Variants in ABCC2 observed in about 807,000 individuals in gnomAD.
The protein encoded by ABCC2 is ATP-binding cassette sub-family C member 2.
ABCC2 carries 157 observed loss-of-function variants against 173.4 expected under a neutral mutation model. The observed-to-expected ratio is 0.91, with a 90% CI of 0.80 to 1.03. The LOEUF is 1.03. Among genes scored for constraint, ABCC2 ranks in the 50% least tolerant of loss-of-function variants. ABCC2 has a pLI of 0.00. For missense variants in ABCC2, 1,822 were observed against 1,852.3 expected, an observed-to-expected ratio of 0.98 and a Z score of 0.30; for synonymous variants, 657 against 693.5, an observed-to-expected ratio of 0.95 and a Z score of 0.83.
chr10:99,850,546 C>T, intron 30 of ABCC2, 56 bp from the exon 31 acceptor site: 1 of 1,571,130 alleles, frequency 6.4e-7, no homozygotes, highest in Non-Finnish European at 8.7e-7. Context: ...TCCCCCTGCC[C>T]TGCGTCTTTC....
At chr10:99,811,728 G>A (rs1211959383) in intron 15 of ABCC2, 126 bp downstream of exon 15, 2 of 1,111,388 alleles carry the variant, frequency 1.8e-6, no homozygotes, top group East Asian at 4.9e-5. Flanking sequence ...TTAGATACTA[G>A]TGCAGGATAA....
intron 16 of ABCC2, 55 bp from the exon 17 acceptor site, chr10:99,817,253 A>C: frequency 6.3e-7 from 1 of 1,583,130 alleles, no homozygotes; most frequent in South Asian, 1.1e-5. Flanking sequence ...CCCGTCCTTC[A>C]ACCCTGCGTT....
intron 16 of ABCC2, among the ~76,000 whole-genome samples, chr10:99,816,315 ACT>A (rs2038409824): frequency 6.8e-6 from 1 of 147,338 alleles, no homozygotes; most frequent in Non-Finnish European, 1.5e-5. Flanking sequence ...ATGGAGCCTC[ACT>A]CTGTCTCCCA....
rs2038183215 is a variant in ABCC2, at chr10:99,810,124, CCTT to C, written c.1816-7_1816-5del. ...CTTTAATTCTTGAGATCCTTTGTGT[CCTT>C]CTCTAGGCCAGTGTTTCCACAGAGC... On this transcript the variant is annotated splice_region_variant and splice_polypyrimidine_tract_variant and intron_variant, in intron 13 of 31. Coordinates refer to ENST00000647814, the MANE Select transcript of ABCC2 (RefSeq NM_000392.5). 1 of 1,612,248 alleles carries C rather than the reference CCTT, an allele frequency of 6.2e-7. No homozygotes were observed. Among genetic ancestry groups the C allele is most frequent in the East Asian group, 2.2e-5 (1 of 44,864 alleles).
intron 25 of ABCC2, among the ~76,000 whole-genome samples, chr10:99,836,931 G>A (rs1039132885): frequency 9.2e-5 from 14 of 152,122 alleles, no homozygotes; most frequent in Non-Finnish European, 1.9e-4. Flanking sequence ...GTCTTGAGGC[G>A]CTAAAGATGC....
At chr10:99,830,901 C>A in intron 21 of ABCC2, 50 bp downstream of exon 21, 2 of 1,610,746 alleles carry the variant, frequency 1.2e-6, no homozygotes, top group Non-Finnish European at 1.7e-6. Context: ...AGGTTTAGAA[C>A]CCAAAATTTT....
At chr10:99,784,502 A>T (rs1665091154) in intron 1 of ABCC2, 106 bp from the exon 2 acceptor site, 1 of 1,177,376 alleles carries the variant, frequency 8.5e-7, no homozygotes, top group African/African-American at 1.5e-5. Context: ...CTGGATATGG[A>T]TATGGAGTTG....
rs185466316 is a variant in ABCC2, at chr10:99,787,196, A to G, written c.207+2415A>G. Among the ~76,000 whole-genome samples, 393 of 151,366 alleles carry G rather than the reference A, an allele frequency of 2.6e-3. 3 individuals are homozygous for G. Among genetic ancestry groups the G allele is most frequent in the Non-Finnish European group, 3.9e-3 (263 of 67,926 alleles). ...GCAATTCAGTTTTTTTCAGTATATTAACACATATGTGCAACCATCACCACA... is the reference window on the plus strand; with the variant it reads ...GCAATTCAGTTTTTTTCAGTATATTGACACATATGTGCAACCATCACCACA... On this transcript the variant is annotated intron_variant, in intron 2 of 31. Transcript: ENST00000647814.
Position 99,851,647 on chromosome 10 carries a change from G to A in ABCC2, c.*16G>A, listed in dbSNP as rs750850714. 3 of 1,611,194 alleles carry A rather than the reference G, an allele frequency of 1.9e-6. No individual in the cohort carries two copies. The highest frequency in any genetic ancestry group is 2.7e-5 in the African/African-American group (2 of 74,830). The stretch of plus-strand genomic sequence containing the variant: ...AAAATTCTAGCAGAAGGCCCCATGG[G>A]TTAGAAAAGGACTATAAGAATAATT... On this transcript the variant is annotated 3_prime_UTR_variant, in exon 32 of 32. Transcript: ENST00000647814.
At position 99,818,418 on chromosome 10, in the gene ABCC2, G is replaced by A. The variant is rs527601322; in HGVS notation, c.2272-372G>A. 2.6e-5 allele frequency among the ~76,000 whole-genome samples: 4 copies of A among 152,274 alleles called. No homozygotes were observed. In the East Asian group the frequency reaches 7.7e-4, roughly 29 times the overall value. On this transcript the variant is annotated intron_variant, in intron 17 of 31. Transcript: ENST00000647814. ...GAAGATTAATGAAGATACAGCTCTG[G>A]AGTAATTTTGTTCATTAATTAGCAT...
Position 99,836,296 on chromosome 10 carries a change from G to GCTT in ABCC2, c.3614+8_3614+10dup. The GCTT allele has an allele frequency of 6.2e-7, 1 of 1,613,908 alleles. No homozygotes were observed. Among genetic ancestry groups the GCTT allele is most frequent in the Non-Finnish European group, 8.5e-7 (1 of 1,179,794 alleles). ...TCCTGGATCACCTCCAACAGGTGAG[G>GCTT]CTTCCCCTGGGTATTTACCCATGTG... On this transcript the variant is annotated splice_region_variant and intron_variant, in intron 25 of 31. Transcript: ENST00000647814.
intron 2 of ABCC2, among the ~76,000 whole-genome samples, chr10:99,785,931 C>T (rs901835524): frequency 6.6e-6 from 1 of 151,986 alleles, no homozygotes; most frequent in Non-Finnish European, 1.5e-5. Context: ...GAGGAAAGAG[C>T]TTGGCCAAAG....
At chr10:99,804,718 G>A (rs1354918022) in intron 10 of ABCC2, among the ~76,000 whole-genome samples, 1 of 152,194 alleles carries the variant, frequency 6.6e-6, no homozygotes, top group African/African-American at 2.4e-5. Context: ...AGTGTCCTCA[G>A]TCCTGCCAGA....
intron 20 of ABCC2, 54 bp downstream of exon 20, chr10:99,830,487 C>T: frequency 2.5e-6 from 4 of 1,612,742 alleles, no homozygotes; most frequent in Non-Finnish European, 3.4e-6. Context: ...TCCACTTGAT[C>T]TTTTTCTTTT....
intron 11 of ABCC2, among the ~76,000 whole-genome samples, chr10:99,806,382 C>T (rs1480453113): frequency 6.6e-6 from 1 of 152,116 alleles, no homozygotes; most frequent in African/African-American, 2.4e-5. Context: ...ATTAGAATCA[C>T]CTGAGAAATT....
At chr10:99,784,814 T>C in intron 2 of ABCC2, 33 bp downstream of exon 2, 1 of 1,608,858 alleles carries the variant, frequency 6.2e-7, no homozygotes, top group Admixed American at 1.7e-5. Context: ...TGAACTCTAA[T>C]TCCTTGGTGC....
At chr10:99,817,560 A>T (rs941179806) in intron 17 of ABCC2, 76 bp downstream of exon 17, 4 of 1,479,068 alleles carry the variant, frequency 2.7e-6, no homozygotes, top group Non-Finnish European at 2.8e-6. Context: ...GTGAAGAACT[A>T]CACAGGGGTA....
In ABCC2 at chr10:99,798,521, G is replaced by T. The variant is rs12257158; in HGVS notation, c.868-686G>T. Among the ~76,000 whole-genome samples, 527 of 152,286 alleles carry T rather than the reference G, an allele frequency of 3.5e-3. 3 individuals are homozygous for T. Among genetic ancestry groups the T allele is most frequent in the African/African-American group, 0.012 (494 of 41,550 alleles). On this transcript the variant is annotated intron_variant, in intron 7 of 31. Transcript: ENST00000647814. ...CCAGAAGGCTGAAGTCAAGATATCA[G>T]ACTCGCTCCCGCTGAAACCTGGAGG...
At position 99,800,461 on chromosome 10, in the gene ABCC2, T is replaced by A; in HGVS notation, c.1107T>A (p.Thr369=). 6.2e-7 allele frequency: 1 copy of A among 1,614,208 alleles called. No homozygotes were observed. Among genetic ancestry groups the A allele is most frequent in the Non-Finnish European group, 8.5e-7 (1 of 1,180,030 alleles). The change falls in exon 9 of 32, where the codon ACT becomes ACA. Residue 369 remains threonine, a synonymous_variant. Transcript: ENST00000647814. ...ATCTCTGTGCAATCCTCTTATTCAC[T>A]GCGGCTCTCATTCAGTCTTTCTGCC... The part of the protein sequence containing the change: ...IGYLCAILLF[T]AALIQSFCLQ...
Sources: allele counts gnomAD v4.1 joint callset (sites outside exome capture counted in the v4.1 genomes callset), GRCh38; gene constraint gnomAD v4.1.1; transcripts MANE v1.5; gene names NCBI Gene and HGNC (gene_info 2026-07-23, HGNC 2026-07-21).